EVI5: variants seen among roughly 807,000 people sequenced by gnomAD.
The protein encoded by EVI5 is ecotropic viral integration site 5, also known as ecotropic viral integration site 5 protein homolog.
A neutral mutation model predicts 112.0 loss-of-function variants in EVI5; 73 were observed. The ratio of observed to expected loss-of-function variants is 0.65; its 90% confidence interval spans 0.54 to 0.79. EVI5 has a LOEUF of 0.79. Ranked by LOEUF, EVI5 falls within the 30% of genes least tolerant of loss-of-function variation. EVI5 has a pLI of 0.00. For missense variants in EVI5, 900 were observed against 968.8 expected (o/e 0.93, Z 0.94); for synonymous variants, 305 against 319.9 (o/e 0.95, Z 0.50).
chr1:92,726,358 A>G (rs1675570499), intron 2 of EVI5, among the ~76,000 whole-genome samples: 1 of 152,218 alleles, frequency 6.6e-6, no homozygotes, highest in Non-Finnish European at 1.5e-5. Flanking sequence ...CAAGGAACAC[A>G]CTGAATTTCT....
intron 1 of EVI5, among the ~76,000 whole-genome samples, chr1:92,770,560 G>GATCA (rs1234986762): frequency 6.6e-6 from 1 of 152,126 alleles, no homozygotes; most frequent in Non-Finnish European, 1.5e-5. Context: ...GGAGGCCAAG[G>GATCA]CGGGCTGATC....
chr1:92,671,639 G>A (rs1323712925), intron 10 of EVI5, among the ~76,000 whole-genome samples: 1 of 151,932 alleles, frequency 6.6e-6, no homozygotes, highest in Non-Finnish European at 1.5e-5. Context: ...AAATCCTTCT[G>A]GAGTCTTTCC....
At chr1:92,608,213 T>C (rs892738822) in intron 16 of EVI5, among the ~76,000 whole-genome samples, 3 of 152,092 alleles carry the variant, frequency 2.0e-5, no homozygotes, top group African/African-American at 7.2e-5. Context: ...AAGGAATGCA[T>C]ACTGTCAATA....
chr1:92,627,812 C>T (rs528157387), intron 14 of EVI5, among the ~76,000 whole-genome samples: 5 of 150,134 alleles, frequency 3.3e-5, no homozygotes, highest in African/African-American at 4.9e-5. Flanking sequence ...TTTTTTGAAA[C>T]GGAGTCTTGC....
At chr1:92,696,560 C>G (rs1425096891) in intron 6 of EVI5, among the ~76,000 whole-genome samples, 1 of 151,892 alleles carries the variant, frequency 6.6e-6, no homozygotes, top group African/African-American at 2.4e-5. Flanking sequence ...TGGCTTGAAC[C>G]CAGGAGGTCA....
At chr1:92,569,803 G>A (rs927225459) in intron 18 of EVI5, among the ~76,000 whole-genome samples, 1 of 136,370 alleles carries the variant, frequency 7.3e-6, no homozygotes, top group Non-Finnish European at 1.5e-5. Context: ...GCAGTGAGCC[G>A]AGATTGCGCC....
intron 19 of EVI5, among the ~76,000 whole-genome samples, chr1:92,543,831 A>T (rs1452262555): frequency 6.6e-6 from 1 of 152,236 alleles, no homozygotes; most frequent in African/African-American, 2.4e-5. Flanking sequence ...ACGCTGTTGG[A>T]AAAACGGCAT....
chr1:92,604,972 ATGGTG>A (rs1650036178), intron 18 of EVI5, among the ~76,000 whole-genome samples: 1 of 152,156 alleles, frequency 6.6e-6, no homozygotes, highest in African/African-American at 2.4e-5. Context: ...ACAAAGTAGA[ATGGTG>A]GTTTCCAGTT....
intron 10 of EVI5, among the ~76,000 whole-genome samples, chr1:92,670,777 A>G (rs575913881): frequency 6.6e-6 from 1 of 152,312 alleles, no homozygotes; most frequent in Admixed American, 6.5e-5. Flanking sequence ...ATTTCACTGA[A>G]AAAAACTGAG....
chr1:92,590,057 G>T (rs1673538513), intron 18 of EVI5, among the ~76,000 whole-genome samples: 1 of 152,218 alleles, frequency 6.6e-6, no homozygotes, highest in African/African-American at 2.4e-5. Context: ...TAACGGTCCT[G>T]ACTGTTAGAA....
chr1:92,629,808 C>T (rs557552195), intron 14 of EVI5, among the ~76,000 whole-genome samples: 23 of 147,346 alleles, frequency 1.6e-4, no homozygotes, highest in African/African-American at 5.8e-4. Flanking sequence ...TAATGCTATC[C>T]CTCCACCCTC....
At chr1:92,620,498 CAA>C (rs369902921) in intron 16 of EVI5, among the ~76,000 whole-genome samples, 3 of 144,510 alleles carry the variant, frequency 2.1e-5, no homozygotes, top group African/African-American at 7.6e-5. Flanking sequence ...CTGCTACAAA[CAA>C]AGAGAAAAGC....
chr1:92,659,522 A>C (rs893141003), intron 13 of EVI5, among the ~76,000 whole-genome samples: 3 of 152,108 alleles, frequency 2.0e-5, no homozygotes, highest in Non-Finnish European at 4.4e-5. Context: ...ATCATCAGAG[A>C]AATTAAAACC....
At chr1:92,567,843 C>A (rs1381996883) in intron 18 of EVI5, among the ~76,000 whole-genome samples, 1 of 152,076 alleles carries the variant, frequency 6.6e-6, no homozygotes, top group Admixed American at 6.5e-5. Flanking sequence ...AAAATATATA[C>A]AAAATACACC....
At chr1:92,522,809 G>C (rs1413400591) in intron 19 of EVI5, among the ~76,000 whole-genome samples, 1 of 152,070 alleles carries the variant, frequency 6.6e-6, no homozygotes, top group East Asian at 1.9e-4. Flanking sequence ...CTAGGCTAGA[G>C]TGCAAGGACA....
intron 16 of EVI5, among the ~76,000 whole-genome samples, chr1:92,622,090 A>G (rs368834869): frequency 2.0e-5 from 3 of 151,852 alleles, no homozygotes; most frequent in Non-Finnish European, 4.4e-5. Context: ...ACTGCACTCC[A>G]GCCTGGGCGA....
In EVI5 at chr1:92,625,817, T is replaced by G; in HGVS notation, c.1645A>C (p.Lys549Gln). Residue 549 changes from lysine (K) to glutamine (Q), a missense_variant, in exon 15 of 20, where the codon AAG becomes CAG. By Grantham distance (53) the Lys-to-Gln change is moderately conservative (BLOSUM62 1). Coordinates refer to ENST00000684568, the MANE Select transcript of EVI5 (RefSeq NM_001350197.2). ...MGLKELRQQVKDLEEHWQRHL... is the reference protein window; with the variant it reads ...MGLKELRQQVQDLEEHWQRHL... Reference sequence around the variant, plus strand: ...ACCTGCCAGTGTTCCTCTAAATCCTTGACTTGCTGTCTAAGTTCTTTCAAA... The same window carrying G: ...ACCTGCCAGTGTTCCTCTAAATCCTGGACTTGCTGTCTAAGTTCTTTCAAA... 6.2e-7 allele frequency: 1 copy of G among 1,613,328 alleles called. No homozygotes were observed. The highest frequency in any genetic ancestry group is 1.1e-5 in the South Asian group (1 of 91,008).
rs1322896032 is a variant in EVI5 at position 92,625,875 on chromosome 1, A to G, written c.1587T>C (p.Ala529=). 6.2e-7 allele frequency: 1 copy of G among 1,610,802 alleles called. No homozygotes were observed. The highest frequency in any genetic ancestry group is 2.2e-5 in the East Asian group (1 of 44,790). The change falls in exon 15 of 20, where the codon GCT becomes GCC. Residue 529 remains alanine (A), a synonymous_variant. Coordinates refer to ENST00000684568, the MANE Select transcript of EVI5 (RefSeq NM_001350197.2). ...NIARLQEELI[A]VKLREAEAIM... Reference sequence around the variant, plus strand: ...TGGCTTCTGCTTCTCTAAGTTTCACAGCAATGAGTTCTTCCTGAAGCCTTG... The same window carrying G: ...TGGCTTCTGCTTCTCTAAGTTTCACGGCAATGAGTTCTTCCTGAAGCCTTG...
At chr1:92,629,588 T>C (rs1571978739) in intron 14 of EVI5, among the ~76,000 whole-genome samples, 2 of 152,324 alleles carry the variant, frequency 1.3e-5, no homozygotes, top group East Asian at 3.9e-4. Context: ...AAAAGGAACT[T>C]CCTACATATC....
Sources: allele counts gnomAD v4.1 joint callset (sites outside exome capture counted in the v4.1 genomes callset), GRCh38; gene constraint gnomAD v4.1.1; transcripts MANE v1.5; gene names NCBI Gene and HGNC (gene_info 2026-07-23, HGNC 2026-07-21).